POLN: variants seen among roughly 807,000 people sequenced by gnomAD.
The protein encoded by POLN is DNA polymerase N.
POLN carries 108 observed loss-of-function variants against 113.5 expected under a neutral mutation model. That is an observed-to-expected ratio of 0.95 (90% CI 0.81 to 1.12). POLN has a LOEUF of 1.12. POLN is among the 50% of genes most tolerant of loss of function. POLN has a pLI of 0.00. For synonymous variants in POLN, 386 were observed against 391.5 expected (o/e 0.99, Z 0.17); for missense variants, 1,097 against 1,077.1 (o/e 1.02, Z -0.26).
intron 16 of POLN, among the ~76,000 whole-genome samples, chr4:2,135,603 T>C (rs775214574): frequency 2.0e-5 from 3 of 152,192 alleles, no homozygotes; most frequent in Non-Finnish European, 4.4e-5. Flanking sequence ...GCACGTGAAC[T>C]ACCAAAGACC....
At position 2,208,065 on chromosome 4, in the gene POLN, A is replaced by T. The variant is rs754304444; in HGVS notation, c.636T>A (p.Ile212=). Residue 212 remains isoleucine, a synonymous_variant, in exon 5 of 26, where the codon ATT becomes ATA. Coordinates refer to ENST00000511885, the MANE Select transcript of POLN (RefSeq NM_181808.4). Reference sequence around the variant, plus strand: ...GGGCTGCTGCCTGTTTGAGCATTTCAATCAGCTGGCTTTTTGCCCAATCAT... The same window carrying T: ...GGGCTGCTGCCTGTTTGAGCATTTCTATCAGCTGGCTTTTTGCCCAATCAT... The part of the protein sequence containing the change: ...HLDDWAKSQL[I]EMLKQAAALV... 1.2e-6 allele frequency: 2 copies of T among 1,614,198 alleles called. No homozygotes were observed. Among genetic ancestry groups the T allele is most frequent in the Non-Finnish European group, 1.7e-6 (2 of 1,180,030 alleles).
rs1023951578 is a variant in POLN, at chr4:2,098,915, T to C, written c.1983-2982A>G. On this transcript the variant is annotated intron_variant, in intron 19 of 25. Transcript: ENST00000511885. Reference sequence around the variant, plus strand: ...AAATGTGTGTGCACATGCACGTGCGTGCGCACACACACACACACACACACA... The same window carrying C: ...AAATGTGTGTGCACATGCACGTGCGCGCGCACACACACACACACACACACA... 6.8e-4 allele frequency among the ~76,000 whole-genome samples: 36 copies of C among 53,106 alleles called. No homozygotes were observed. The East Asian group carries it at 0.029, about 43-fold the overall frequency. 34.8% of individuals were successfully genotyped at this position (53,106 alleles called of 152,430 possible).
In POLN at chr4:2,198,730, A is replaced by C. The variant is rs1402050922; in HGVS notation, c.715-13T>G. 2 of 1,583,366 alleles carry C rather than the reference A, an allele frequency of 1.3e-6. No homozygotes were observed. Among genetic ancestry groups the C allele is most frequent in the Non-Finnish European group, 1.7e-6 (2 of 1,164,192 alleles). On this transcript the variant is annotated splice_polypyrimidine_tract_variant and intron_variant, in intron 5 of 25. Coordinates refer to ENST00000511885, the MANE Select transcript of POLN (RefSeq NM_181808.4). ...AAGAAACGGGGGTCTGTGGAAACAC[A>C]ACAAAATAAATTAAACCCAGACAAC...
chr4:2,209,658 T>C (rs994264205), intron 4 of POLN, among the ~76,000 whole-genome samples: 3 of 94,774 alleles, frequency 3.2e-5, no homozygotes, highest in African/African-American at 6.3e-5. Context: ...TTCCTTTTCC[T>C]TTTTTTTTTT....
At chr4:2,080,901 C>A (rs1730396678) in intron 23 of POLN, 57 bp downstream of exon 23, 1 of 1,612,056 alleles carries the variant, frequency 6.2e-7, no homozygotes, top group South Asian at 1.1e-5. Context: ...CCGAGGGGGT[C>A]TTCCCACAGA....
At chr4:2,092,302 A>G (rs1468416693) in intron 20 of POLN, among the ~76,000 whole-genome samples, 2 of 152,222 alleles carry the variant, frequency 1.3e-5, no homozygotes, top group African/African-American at 2.4e-5. Flanking sequence ...AGACCCAAGG[A>G]TTTGACTCTA....
intron 4 of POLN, among the ~76,000 whole-genome samples, chr4:2,211,312 A>C (rs1394260952): frequency 6.7e-6 from 1 of 149,488 alleles, no homozygotes. Flanking sequence ...AGGATTGTGG[A>C]TATCAAGTTG....
chr4:2,156,827 C>G lies in POLN; in HGVS notation c.1692G>C (p.Gln564His), dbSNP rs1175539986. 6.2e-7 allele frequency: 1 copy of G among 1,613,124 alleles called. No homozygotes were observed. Among genetic ancestry groups the G allele is most frequent in the East Asian group, 2.2e-5 (1 of 44,886 alleles). Reference sequence around the variant, plus strand: ...AAAGTCTTCCAGTCACAGTTCCAGTCTGATTCCATGTAGAGGAAATGGAGC... The same window carrying G: ...AAAGTCTTCCAGTCACAGTTCCAGTGTGATTCCATGTAGAGGAAATGGAGC... ...KKGSISSTWN[Q>H]TGTVTGRLSA... Residue 564 changes from glutamine (Q) to histidine (H), a missense_variant, in exon 16 of 26, where the codon CAG becomes CAC. By Grantham distance (24) the Gln-to-His change is conservative. Coordinates refer to ENST00000511885, the MANE Select transcript of POLN (RefSeq NM_181808.4).
intron 15 of POLN, among the ~76,000 whole-genome samples, chr4:2,157,316 G>T (rs1379500561): frequency 6.6e-6 from 1 of 152,252 alleles, no homozygotes; most frequent in Middle Eastern, 3.2e-3. Flanking sequence ...AATCGTGGAT[G>T]TGAAAGCAGG....
chr4:2,190,728 C>A (rs1031326917), intron 7 of POLN, among the ~76,000 whole-genome samples: 1 of 152,064 alleles, frequency 6.6e-6, no homozygotes, highest in African/African-American at 2.4e-5. Flanking sequence ...ATAGACATTT[C>A]TGAAAAGAAG....
chr4:2,203,706 A>G (rs901961342), intron 5 of POLN, among the ~76,000 whole-genome samples: 8 of 152,162 alleles, frequency 5.3e-5, no homozygotes, highest in African/African-American at 1.9e-4. Context: ...CACCTCAAGG[A>G]ACTAGAGAAA....
intron 19 of POLN, among the ~76,000 whole-genome samples, chr4:2,124,825 C>T (rs1731539709): frequency 6.6e-6 from 1 of 152,074 alleles, no homozygotes; most frequent in East Asian, 1.9e-4. Context: ...GAGCCAGGCA[C>T]ATCCTGGAGG....
Position 2,157,876 on chromosome 4 carries a change from T to C in POLN, c.1647A>G (p.Leu549=). Residue 549 remains leucine, a synonymous_variant, in exon 15 of 26, where the codon TTA becomes TTG. Transcript: ENST00000511885. ...HKIKSTFVDG[L]LACMKKGSIS... ...TTGTTACCTTTTTCATGCAAGCTAGTAATCCATCTACAAAGGTTGACTTGA... is the reference window on the plus strand; with the variant it reads ...TTGTTACCTTTTTCATGCAAGCTAGCAATCCATCTACAAAGGTTGACTTGA... 3 of 1,608,474 alleles carry C rather than the reference T, an allele frequency of 1.9e-6. No individual in the cohort carries two copies. Among genetic ancestry groups the C allele is most frequent in the Non-Finnish European group, 2.6e-6 (3 of 1,175,504 alleles).
intron 16 of POLN, among the ~76,000 whole-genome samples, chr4:2,140,231 C>T (rs1731964837): frequency 6.6e-6 from 1 of 152,100 alleles, no homozygotes; most frequent in South Asian, 2.1e-4. Flanking sequence ...GCGTGCGCCA[C>T]CACACCTGGC....
At chr4:2,238,727 A>G in intron 2 of POLN, 7 of 1,613,814 alleles carry the variant, frequency 4.3e-6, no homozygotes, top group Non-Finnish European at 5.9e-6. Context: ...AAGTTCTTGA[A>G]CCAAATTTTC....
intron 22 of POLN, 125 bp from the exon 23 acceptor site, chr4:2,081,161 G>A (rs1242985412): frequency 1.3e-6 from 2 of 1,596,862 alleles, no homozygotes; most frequent in African/African-American, 1.3e-5. Context: ...TGAGCTGTCT[G>A]AGTGCCAGGG....
chr4:2,130,745 G>T (rs1731708279), intron 17 of POLN, among the ~76,000 whole-genome samples: 1 of 152,118 alleles, frequency 6.6e-6, no homozygotes, highest in Non-Finnish European at 1.5e-5. Context: ...CTTGTAAACT[G>T]CTAACAGGGA....
rs192876418 is a variant in POLN at position 2,202,552 on chromosome 4, C to T, written c.715-3835G>A. Among the ~76,000 whole-genome samples, 1,232 of 151,874 alleles carry T rather than the reference C, an allele frequency of 8.1e-3. 19 individuals carry two copies. The highest frequency in any genetic ancestry group is 0.029 in the African/African-American group (1,184 of 41,398). Reference sequence around the variant, plus strand: ...CAGCCTGGCCAACATGATGAAACTCCGTCTCTACTAAAAATACAAAAATTA... The same window carrying T: ...CAGCCTGGCCAACATGATGAAACTCTGTCTCTACTAAAAATACAAAAATTA... On this transcript the variant is annotated intron_variant, in intron 5 of 25. Transcript: ENST00000511885.
intron 15 of POLN, among the ~76,000 whole-genome samples, chr4:2,157,127 A>AGGGCTGTT (rs1732454615): frequency 6.6e-6 from 1 of 152,180 alleles, no homozygotes; most frequent in Admixed American, 6.5e-5. Flanking sequence ...GGGGAGAGGA[A>AGGGCTGTT]GGGCTGTTGG....
Sources: allele counts gnomAD v4.1 joint callset (sites outside exome capture counted in the v4.1 genomes callset), GRCh38; gene constraint gnomAD v4.1.1; transcripts MANE v1.5; gene names NCBI Gene and HGNC (gene_info 2026-07-23, HGNC 2026-07-21).